The following CAMSAP2 variants were observed in gnomAD, a reference collection of about 807,000 sequenced individuals.
CAMSAP2 encodes the protein calmodulin regulated spectrin associated protein family member 2, also known as calmodulin-regulated spectrin-associated protein 2.
Under a neutral mutation model 146.1 loss-of-function variants are expected in CAMSAP2, and 26 were observed. The ratio of observed to expected loss-of-function variants is 0.18; its 90% CI spans 0.13 to 0.25. CAMSAP2 has a LOEUF of 0.25. Among genes scored for constraint, CAMSAP2 ranks in the 10% least tolerant of loss-of-function variants. The pLI, the probability that CAMSAP2 is intolerant of heterozygous loss-of-function variation, is 1.00. For synonymous variants in CAMSAP2, 499 were observed against 596.6 expected (o/e 0.84, Z 2.38); for missense variants, 1,381 against 1,759.3 (o/e 0.78, Z 3.85).
chr1:200,745,513 A>G (rs1000556177), intron 1 of CAMSAP2, among the ~76,000 whole-genome samples: 13 of 152,248 alleles, frequency 8.5e-5, no homozygotes, highest in Non-Finnish European at 1.8e-4. Flanking sequence ...AAAATAAACA[A>G]TGAGACAGAT....
Position 200,814,299 on chromosome 1 carries a change from A to G in CAMSAP2, c.562-1262A>G, listed in dbSNP as rs1000702976. On this transcript the variant is annotated intron_variant, in intron 3 of 16. Coordinates refer to ENST00000358823, the MANE Select transcript of CAMSAP2 (RefSeq NM_203459.4). Reference sequence around the variant, plus strand: ...TGTTATAAAACTGCTTTGTAACACAATGTATTACCATGATAGAAAATATGG... The same window carrying G: ...TGTTATAAAACTGCTTTGTAACACAGTGTATTACCATGATAGAAAATATGG... Among the ~76,000 whole-genome samples the G allele has an allele frequency of 4.2e-4, 64 of 152,198 alleles. 1 individual carries two copies. Among genetic ancestry groups the G allele is most frequent in the African/African-American group, 1.5e-3 (63 of 41,540 alleles).
Position 200,848,603 on chromosome 1 carries a change from A to G in CAMSAP2, c.1834A>G (p.Ile612Val). ...ITDNTEVDTG[I>V]HVPSEDIPET... ...TGACAATACTGAAGTAGACACTGGAATTCACGTTCCTTCAGAAGATATTCC... is the reference window on the plus strand; with the variant it reads ...TGACAATACTGAAGTAGACACTGGAGTTCACGTTCCTTCAGAAGATATTCC... The change falls in exon 11 of 17, where the codon ATT (isoleucine) becomes GTT (valine). Residue 612 changes from isoleucine to valine, a missense_variant. By Grantham distance (29) the Ile-to-Val change is conservative. Around this residue, in one of 4 missense-constraint regions of CAMSAP2, gnomAD observed 447 missense variants for 462.2 expected, o/e 0.97. Coordinates refer to ENST00000358823, the MANE Select transcript of CAMSAP2 (RefSeq NM_203459.4). 6.2e-7 allele frequency: 1 copy of G among 1,614,138 alleles called. No homozygotes were observed. The highest frequency in any genetic ancestry group is 8.5e-7 in the Non-Finnish European group (1 of 1,179,974).
intron 3 of CAMSAP2, among the ~76,000 whole-genome samples, chr1:200,812,187 T>C (rs957486569): frequency 2.6e-5 from 4 of 152,232 alleles, no homozygotes; most frequent in Non-Finnish European, 5.9e-5. Context: ...ATAGGTACAA[T>C]GAACTTTTTA....
rs187913856 is a variant in CAMSAP2 at position 200,859,823 on chromosome 1, C to T, written c.*1764C>T. The T allele has an allele frequency of 2.0e-4, 31 of 152,192 alleles. No individual in the cohort carries two copies. Among genetic ancestry groups the T allele is most frequent in the African/African-American group, 6.3e-4 (26 of 41,522 alleles). 9.4% of individuals were successfully genotyped at this position (152,192 alleles called of 1,614,324 possible). A position where few individuals can be genotyped will look rare whatever the true frequency, so the allele number is the denominator to read the frequency against. On this transcript the variant is annotated 3_prime_UTR_variant, in exon 17 of 17. Coordinates refer to ENST00000358823, the MANE Select transcript of CAMSAP2 (RefSeq NM_203459.4). ...TAGAAGGAAATGATAGTCAAATACA[C>T]GTTTAGATTAAAACTAGTTTAAAAA...
At chr1:200,841,836 A>G (rs532925922) in intron 6 of CAMSAP2, among the ~76,000 whole-genome samples, 158 bp from the exon 7 acceptor site, 1 of 152,344 alleles carries the variant, frequency 6.6e-6, no homozygotes, top group Admixed American at 6.5e-5. Context: ...ATTTTTACCC[A>G]CAAGAGTTAA....
chr1:200,809,490 C>A (rs758580725), intron 3 of CAMSAP2, among the ~76,000 whole-genome samples: 2 of 152,198 alleles, frequency 1.3e-5, no homozygotes, highest in Admixed American at 1.3e-4. Context: ...GTAATCCCAG[C>A]ACTTTGGGAG....
chr1:200,835,405 A>T (rs1207238933), intron 6 of CAMSAP2, among the ~76,000 whole-genome samples: 1 of 152,238 alleles, frequency 6.6e-6, no homozygotes, highest in East Asian at 1.9e-4. Flanking sequence ...TATATGCTAG[A>T]CACTGTACTG....
Position 200,738,985 on chromosome 1 carries a change from G to GA in CAMSAP2, c.-840dup, listed in dbSNP as rs1443880144. Among the ~76,000 whole-genome samples the GA allele has an allele frequency of 4.0e-5, 6 of 151,822 alleles. No homozygotes were observed. Among genetic ancestry groups the GA allele is most frequent in the African/African-American group, 1.5e-4 (6 of 41,278 alleles). On this transcript the variant is annotated 5_prime_UTR_variant, in exon 1 of 17. Transcript: ENST00000358823. ...AGGGGGAACGATCCAGCGAGCTGCA[G>GA]AAAGGGGGGCAGGAAAAAATTACAA... is the stretch of plus-strand genomic sequence containing the variant.
In CAMSAP2 at chr1:200,837,013, C is replaced by T. The variant is rs138390395; in HGVS notation, c.927+4168C>T. Among the ~76,000 whole-genome samples, 882 of 147,362 alleles carry T rather than the reference C, an allele frequency of 6.0e-3. 6 individuals are homozygous for T. The highest frequency in any genetic ancestry group is 9.3e-3 in the Non-Finnish European group (628 of 67,550). On this transcript the variant is annotated intron_variant, in intron 6 of 16. Coordinates refer to ENST00000358823, the MANE Select transcript of CAMSAP2 (RefSeq NM_203459.4). The stretch of plus-strand genomic sequence containing the variant: ...TGAGACCTTGGTCAGATGCATAGTC[C>T]GAAAAATTTTCTCCCATTCTATAAG...
Position 200,815,660 on chromosome 1 carries a change from A to C in CAMSAP2, c.645+16A>C, listed in dbSNP as rs1409996964. ...AGGTCAAAAGGTATTTATTTCAAAA[A>C]CAAAAAGGTGCCTTTATGAGACTGT... On this transcript the variant is annotated intron_variant, in intron 4 of 16. Transcript: ENST00000358823. 1.4e-6 allele frequency: 2 copies of C among 1,428,730 alleles called. No homozygotes were observed. Among genetic ancestry groups the C allele is most frequent in the African/African-American group, 2.9e-5 (2 of 69,298 alleles). The allele number at this position is 1,428,730 out of a possible 1,614,324, so 88.5% of individuals were successfully genotyped here.
intron 3 of CAMSAP2, among the ~76,000 whole-genome samples, chr1:200,811,857 C>T (rs1455021931): frequency 2.0e-5 from 3 of 152,208 alleles, no homozygotes; most frequent in Non-Finnish European, 4.4e-5. Context: ...CTCATGGCCA[C>T]TGTTCCCCTT....
chr1:200,797,306 A>C (rs1287521904), intron 2 of CAMSAP2, among the ~76,000 whole-genome samples: 3 of 150,752 alleles, frequency 2.0e-5, no homozygotes, highest in Admixed American at 6.6e-5. Context: ...AAGTGTTCCT[A>C]TTTCTCCACA....
chr1:200,743,653 A>G (rs1263593236), intron 1 of CAMSAP2, among the ~76,000 whole-genome samples: 1 of 152,096 alleles, frequency 6.6e-6, no homozygotes, highest in African/African-American at 2.4e-5. Context: ...TAAAGCTGCT[A>G]ATATAGGCTG....
At chr1:200,779,210 C>T (rs1665367028) in intron 2 of CAMSAP2, among the ~76,000 whole-genome samples, 1 of 151,844 alleles carries the variant, frequency 6.6e-6, no homozygotes, top group African/African-American at 2.4e-5. Context: ...ATTTATTTGC[C>T]CCAATCCCTT....
At chr1:200,792,311 T>G (rs1571759696) in intron 2 of CAMSAP2, among the ~76,000 whole-genome samples, 1 of 152,176 alleles carries the variant, frequency 6.6e-6, no homozygotes, top group African/African-American at 2.4e-5. Flanking sequence ...TAAAAAGAAA[T>G]GAACTATTGA....
At chr1:200,831,115 AT>A (rs1344944537) in intron 4 of CAMSAP2, among the ~76,000 whole-genome samples, 4 of 152,210 alleles carry the variant, frequency 2.6e-5, no homozygotes, top group Non-Finnish European at 5.9e-5. Flanking sequence ...AGAAGAAAAA[AT>A]AGTTTGATAA....
chr1:200,815,865 C>A (rs1263382761), intron 4 of CAMSAP2, among the ~76,000 whole-genome samples: 1 of 152,182 alleles, frequency 6.6e-6, no homozygotes, highest in Admixed American at 6.5e-5. Context: ...GACTAGAACT[C>A]AAGTTCTGAG....
rs1276865455 is a variant in CAMSAP2 at position 200,740,010 on chromosome 1, G to T, written c.139+44G>T. The T allele has an allele frequency of 3.1e-6, 5 of 1,600,932 alleles. No homozygotes were observed. In the South Asian group the frequency reaches 5.6e-5, roughly 18 times the overall value. On this transcript the variant is annotated intron_variant, in intron 1 of 16. Coordinates refer to ENST00000358823, the MANE Select transcript of CAMSAP2 (RefSeq NM_203459.4). ...TCCCTCCCCTCTTCCTCCTGATGTGGTCCACATCTCGGTTTTTGTTCCCGA... is the reference window on the plus strand; with the variant it reads ...TCCCTCCCCTCTTCCTCCTGATGTGTTCCACATCTCGGTTTTTGTTCCCGA...
At chr1:200,756,783 A>G (rs1307275054) in intron 1 of CAMSAP2, among the ~76,000 whole-genome samples, 1 of 152,058 alleles carries the variant, frequency 6.6e-6, no homozygotes, top group African/African-American at 2.4e-5. Flanking sequence ...AGTGACTAGA[A>G]TTTTTTTTAA....
Sources: allele counts gnomAD v4.1 joint callset (sites outside exome capture counted in the v4.1 genomes callset), GRCh38; gene constraint gnomAD v4.1.1; regional missense constraint gnomAD v4.1.1; transcripts MANE v1.5; gene names NCBI Gene and HGNC (gene_info 2026-07-23, HGNC 2026-07-21).